The following TMEM132D variants were observed in gnomAD, a reference collection of about 807,000 sequenced individuals.
The protein encoded by TMEM132D is transmembrane protein 132D, also known as mature OL transmembrane protein.
In TMEM132D, 21 loss-of-function variants were observed where a neutral mutation model predicts 62.3. The observed-to-expected ratio is 0.34, with a 90% CI of 0.24 to 0.49. The LOEUF (loss-of-function observed/expected upper bound fraction) is 0.49. Ranked by LOEUF, TMEM132D falls within the 20% of genes least tolerant of loss-of-function variation. The pLI is 0.99. For synonymous variants in TMEM132D, 621 were observed against 575.6 expected, an observed-to-expected ratio of 1.08 and a Z score of -1.13; for missense variants, 1,346 against 1,402.8, an observed-to-expected ratio of 0.96 and a Z score of 0.65.
intron 4 of TMEM132D, among the ~76,000 whole-genome samples, chr12:129,252,533 C>T (rs1385351704): frequency 6.6e-6 from 1 of 152,126 alleles, no homozygotes; most frequent in African/African-American, 2.4e-5. Context: ...ATTAAAAAGT[C>T]AGGAAACAAC....
At chr12:129,443,994 A>G (rs988169720) in intron 3 of TMEM132D, among the ~76,000 whole-genome samples, 5 of 152,196 alleles carry the variant, frequency 3.3e-5, no homozygotes, top group African/African-American at 1.2e-4. Context: ...AAGAAAATTG[A>G]CAAGCAATGG....
At chr12:129,433,609 T>C (rs2135717584) in intron 3 of TMEM132D, among the ~76,000 whole-genome samples, 1 of 152,252 alleles carries the variant, frequency 6.6e-6, no homozygotes, top group South Asian at 2.1e-4. Context: ...GAGATTATAC[T>C]TGTTGCCACT....
chr12:129,417,270 G>A (rs570517436), intron 3 of TMEM132D, among the ~76,000 whole-genome samples: 1 of 152,208 alleles, frequency 6.6e-6, no homozygotes, highest in Non-Finnish European at 1.5e-5. Flanking sequence ...GAACAAAGCT[G>A]GAGGCATCAT....
At chr12:129,241,481 C>T (rs893439511) in intron 4 of TMEM132D, among the ~76,000 whole-genome samples, 16 of 152,130 alleles carry the variant, frequency 1.1e-4, no homozygotes, top group Non-Finnish European at 2.2e-4. Context: ...CATGCCCTCT[C>T]CTACGGCAGA....
At chr12:129,620,319 G>A (rs1355308773) in intron 2 of TMEM132D, among the ~76,000 whole-genome samples, 1 of 152,204 alleles carries the variant, frequency 6.6e-6, no homozygotes, top group Non-Finnish European at 1.5e-5. Context: ...TGTCAGGCCT[G>A]CAGAAGCAGT....
chr12:129,702,796 T>G (rs955345274), intron 1 of TMEM132D, among the ~76,000 whole-genome samples: 3 of 152,258 alleles, frequency 2.0e-5, no homozygotes, highest in Admixed American at 6.5e-5. Context: ...CAATAAATAT[T>G]TGATAAACAC....
chr12:129,174,897 T>C (rs1046881981), intron 5 of TMEM132D, among the ~76,000 whole-genome samples: 21 of 152,384 alleles, frequency 1.4e-4, no homozygotes, highest in African/African-American at 4.1e-4. Flanking sequence ...TGTCTGTTCA[T>C]GTCCTTTGCC....
Position 129,780,881 on chromosome 12 carries a change from A to G in TMEM132D, c.80-80183T>C, listed in dbSNP as rs577104191. ...GTTTCTGGGGAGACAGCTGATTAAC[A>G]CGGAACTTAGCAGTATTCCAGTAAC... On this transcript the variant is annotated intron_variant, in intron 1 of 8. Coordinates refer to ENST00000422113, the MANE Select transcript of TMEM132D (RefSeq NM_133448.3). Among the ~76,000 whole-genome samples, 5 of 152,322 alleles carry G rather than the reference A, an allele frequency of 3.3e-5. 2 individuals carry two copies. Among genetic ancestry groups the G allele is most frequent in the African/African-American group, 1.2e-4 (5 of 41,574 alleles).
intron 1 of TMEM132D, among the ~76,000 whole-genome samples, chr12:129,789,875 T>C (rs1871351723): frequency 6.6e-6 from 1 of 152,234 alleles, no homozygotes; most frequent in Non-Finnish European, 1.5e-5. Flanking sequence ...TTAATCTTTC[T>C]AACATAGGGT....
chr12:129,103,272 C>T (rs993591729), intron 5 of TMEM132D, among the ~76,000 whole-genome samples: 3 of 152,192 alleles, frequency 2.0e-5, no homozygotes, highest in Non-Finnish European at 4.4e-5. Flanking sequence ...TAATGCTTCA[C>T]CCCACAGCAT....
chr12:129,322,834 G>A (rs1056270134), intron 4 of TMEM132D, among the ~76,000 whole-genome samples: 4 of 152,096 alleles, frequency 2.6e-5, no homozygotes, highest in African/African-American at 9.7e-5. Flanking sequence ...TTTTCAAAAT[G>A]GGAATGACAG....
chr12:129,120,542 A>C (rs1439827873), intron 5 of TMEM132D, among the ~76,000 whole-genome samples: 1 of 152,158 alleles, frequency 6.6e-6, no homozygotes, highest in Non-Finnish European at 1.5e-5. Flanking sequence ...AATTAGAAAA[A>C]GTTGAGGGGC....
At chr12:129,356,654 C>CAAAAAATAAATG (rs34719078) in intron 3 of TMEM132D, among the ~76,000 whole-genome samples, 11 of 116,072 alleles carry the variant, frequency 9.5e-5, no homozygotes, top group Non-Finnish European at 1.5e-4. Flanking sequence ...CCTGTCTCTA[C>CAAAAAATAAATG]AATAAATAAA....
chr12:129,293,753 G>T (rs1042833124), intron 4 of TMEM132D, among the ~76,000 whole-genome samples: 1 of 152,166 alleles, frequency 6.6e-6, no homozygotes, highest in Non-Finnish European at 1.5e-5. Flanking sequence ...TGCTGCCACT[G>T]ATCTGACAGG....
At chr12:129,495,518 C>A (rs137942120) in intron 3 of TMEM132D, among the ~76,000 whole-genome samples, 108 of 152,266 alleles carry the variant, frequency 7.1e-4, no homozygotes, top group African/African-American at 2.4e-3. Context: ...CATCAGCTAT[C>A]CTGGGCAACC....
At chr12:129,363,507 C>A (rs1027418381) in intron 3 of TMEM132D, among the ~76,000 whole-genome samples, 4 of 152,120 alleles carry the variant, frequency 2.6e-5, no homozygotes, top group Non-Finnish European at 5.9e-5. Context: ...TTCTCAACTC[C>A]CATCTGATAT....
At chr12:129,505,535 G>A (rs1363612589) in intron 3 of TMEM132D, among the ~76,000 whole-genome samples, 5 of 152,114 alleles carry the variant, frequency 3.3e-5, no homozygotes, top group African/African-American at 7.2e-5. Flanking sequence ...GAGCCACCAC[G>A]CCTGGCCTGT....
chr12:129,431,673 C>T (rs1872659363), intron 3 of TMEM132D, among the ~76,000 whole-genome samples: 1 of 152,172 alleles, frequency 6.6e-6, no homozygotes, highest in Admixed American at 6.5e-5. Flanking sequence ...CATGCAACAT[C>T]CATATATGAA....
chr12:129,717,582 T>C (rs1035913989), intron 1 of TMEM132D, among the ~76,000 whole-genome samples: 1 of 150,110 alleles, frequency 6.7e-6, no homozygotes, highest in African/African-American at 2.4e-5. Flanking sequence ...ACACAGAATA[T>C]GGGAAACACA....
Sources: allele counts gnomAD v4.1 joint callset (sites outside exome capture counted in the v4.1 genomes callset), GRCh38; gene constraint gnomAD v4.1.1; transcripts MANE v1.5; gene names NCBI Gene and HGNC (gene_info 2026-07-23, HGNC 2026-07-21).